The following CCDC169 variants were observed in gnomAD, a reference collection of about 807,000 sequenced individuals.
CCDC169 encodes the protein coiled-coil domain-containing protein 169.
A neutral mutation model predicts 36.0 loss-of-function variants in CCDC169; 30 were observed. The observed-to-expected ratio is 0.83, with a 90% CI of 0.62 to 1.13. CCDC169 has a LOEUF of 1.13. Ranked by LOEUF, CCDC169 falls within the 50% of genes most tolerant of loss-of-function variation. CCDC169 has a pLI of 0.00. For missense variants in CCDC169, 245 were observed against 245.9 expected, an observed-to-expected ratio of 1.00 and a Z score of 0.03; for synonymous variants, 85 against 81.5, an observed-to-expected ratio of 1.04 and a Z score of -0.23.
intron 2 of CCDC169, among the ~76,000 whole-genome samples, chr13:36,294,740 T>C (rs901881786): frequency 6.6e-6 from 1 of 152,148 alleles, no homozygotes; most frequent in South Asian, 2.1e-4. Flanking sequence ...GGGGTCTGCA[T>C]GAGAGGGTTG....
At chr13:36,249,024 G>A (rs1293070204) in intron 6 of CCDC169, among the ~76,000 whole-genome samples, 2 of 152,150 alleles carry the variant, frequency 1.3e-5, no homozygotes, top group Non-Finnish European at 1.5e-5. Flanking sequence ...CAGTAGATAA[G>A]ACAATAGAAG....
chr13:36,297,586 A>G, intron 1 of CCDC169, 51 bp downstream of exon 1: 2 of 1,522,896 alleles, frequency 1.3e-6, no homozygotes, highest in Non-Finnish European at 1.8e-6. Flanking sequence ...CTGCAGGTGA[A>G]GGCTCGGGGG....
At chr13:36,237,959 T>C (rs1032220541) in intron 7 of CCDC169, among the ~76,000 whole-genome samples, 3 of 152,178 alleles carry the variant, frequency 2.0e-5, no homozygotes, top group Non-Finnish European at 2.9e-5. Flanking sequence ...ATCTAGGTTT[T>C]TGTAAGCGCA....
intron 4 of CCDC169, among the ~76,000 whole-genome samples, chr13:36,258,465 T>C (rs946399829): frequency 2.6e-5 from 4 of 152,080 alleles, no homozygotes; most frequent in African/African-American, 7.2e-5. Context: ...AGTAAAGAAA[T>C]GGGGCAAAAC....
intron 4 of CCDC169, among the ~76,000 whole-genome samples, chr13:36,270,495 GCAT>G (rs1304222779): frequency 6.6e-6 from 1 of 152,074 alleles, no homozygotes; most frequent in African/African-American, 2.4e-5. Context: ...AACTCTGGAG[GCAT>G]CATATTACCA....
At chr13:36,257,496 G>C (rs1594036386) in intron 4 of CCDC169, among the ~76,000 whole-genome samples, 1 of 238 alleles carries the variant, frequency 4.2e-3, no homozygotes, top group Non-Finnish European at 0.012. Context: ...ACGAGGTCAA[G>C]AGATCGAGAC....
intron 2 of CCDC169, among the ~76,000 whole-genome samples, chr13:36,291,404 T>A (rs1462832400): frequency 6.6e-6 from 1 of 152,232 alleles, no homozygotes; most frequent in Non-Finnish European, 1.5e-5. Context: ...TATCTCTTCA[T>A]ACAGGTCCTC....
chr13:36,284,082 C>T (rs1263781069), intron 2 of CCDC169, among the ~76,000 whole-genome samples: 1 of 151,806 alleles, frequency 6.6e-6, no homozygotes, highest in East Asian at 1.9e-4. Context: ...CCATATATTT[C>T]ATATATGATA....
intron 6 of CCDC169, 141 bp downstream of exon 6, chr13:36,253,662 T>A: frequency 1.0e-6 from 1 of 991,670 alleles, no homozygotes; most frequent in South Asian, 1.8e-5. Flanking sequence ...AAGTTGTATA[T>A]TTTCCTGTCT....
chr13:36,289,826 T>C (rs1053494566), intron 2 of CCDC169, among the ~76,000 whole-genome samples: 1 of 152,224 alleles, frequency 6.6e-6, no homozygotes. Context: ...TACAATGACC[T>C]GTGGATCTGT....
intron 4 of CCDC169, among the ~76,000 whole-genome samples, chr13:36,269,248 A>G (rs1396667051): frequency 2.0e-5 from 3 of 152,226 alleles, no homozygotes; most frequent in African/African-American, 7.2e-5. Flanking sequence ...TCAACAGATC[A>G]ATAATAAGCA....
chr13:36,253,924 TA>T (rs1398794100), intron 5 of CCDC169, 68 bp from the exon 6 acceptor site: 19 of 1,541,816 alleles, frequency 1.2e-5, no homozygotes, highest in Non-Finnish European at 1.5e-5. Context: ...AAGACTAAGT[TA>T]AGGTGTATGT....
chr13:36,225,579 AC>A (rs1869834116), downstream of CCDC169: 1 of 152,174 alleles, frequency 6.6e-6, no homozygotes. Context: ...TGCAACCAAA[AC>A]AAAAACTGAC....
chr13:36,285,117 G>A (rs1221428539), intron 2 of CCDC169, among the ~76,000 whole-genome samples: 4 of 152,150 alleles, frequency 2.6e-5, no homozygotes, highest in Admixed American at 2.6e-4. Context: ...ATTCTTCAGA[G>A]CAAGATGAGA....
chr13:36,223,741 A>C (rs1206019070), downstream of CCDC169: 1 of 152,168 alleles, frequency 6.6e-6, no homozygotes, highest in Non-Finnish European at 1.5e-5. Flanking sequence ...TTTAAATATT[A>C]AATTAGTATC....
chr13:36,255,522 C>T (rs1873755287), intron 4 of CCDC169, among the ~76,000 whole-genome samples: 1 of 152,052 alleles, frequency 6.6e-6, no homozygotes, highest in African/African-American at 2.4e-5. Flanking sequence ...AATTAGCTGG[C>T]ATGGTGGCGC....
At chr13:36,289,279 T>C (rs1384857183) in intron 2 of CCDC169, among the ~76,000 whole-genome samples, 2 of 152,348 alleles carry the variant, frequency 1.3e-5, no homozygotes, top group Admixed American at 1.3e-4. Context: ...AGCTCTCTCC[T>C]TCAGCTTCTA....
intron 2 of CCDC169, among the ~76,000 whole-genome samples, chr13:36,293,634 T>C (rs1879159086): frequency 6.6e-6 from 1 of 152,084 alleles, no homozygotes; most frequent in South Asian, 2.1e-4. Flanking sequence ...CTAACCACCA[T>C]GCTGTGAGAA....
chr13:36,243,239 C>T (rs1387167322), intron 7 of CCDC169, among the ~76,000 whole-genome samples: 1 of 152,212 alleles, frequency 6.6e-6, no homozygotes, highest in Non-Finnish European at 1.5e-5. Flanking sequence ...GTGGCTCATG[C>T]CTGTAATCTC....
Sources: gnomAD v4.1 joint callset for allele counts (sites outside exome capture counted in the v4.1 genomes callset) on GRCh38, gnomAD v4.1.1 for gene constraint, MANE v1.5 for transcripts, NCBI Gene and HGNC (gene_info 2026-07-23, HGNC 2026-07-21) for gene names.